The following PDK1 variants were observed in gnomAD, a reference collection of about 807,000 sequenced individuals.
PDK1 encodes the protein [Pyruvate dehydrogenase (acetyl-transferring)] kinase isozyme 1, mitochondrial.
Under a neutral mutation model 54.2 loss-of-function variants are expected in PDK1, and 39 were observed. The ratio of observed to expected loss-of-function variants is 0.72; its 90% CI spans 0.56 to 0.94. The LOEUF (loss-of-function observed/expected upper bound fraction) is 0.94, where lower values mean the gene tolerates loss of function less well. Among genes scored for constraint, PDK1 ranks in the 40% least tolerant of loss-of-function variants. PDK1 has a pLI of 0.00. For missense variants in PDK1, 552 were observed against 566.0 expected (o/e 0.98, Z 0.25); for synonymous variants, 221 against 207.1 (o/e 1.07, Z -0.58).
At chr2:172,687,954 G>C in the PDK1 span, among the ~76,000 whole-genome samples, 1 of 152,290 alleles carries the variant, frequency 6.6e-6, no homozygotes, top group Admixed American at 6.5e-5. Context: ...CCCCTGCACA[G>C]GGATCCCCTT....
the PDK1 span, among the ~76,000 whole-genome samples, chr2:172,661,591 T>A: frequency 6.6e-6 from 1 of 152,168 alleles, no homozygotes; most frequent in South Asian, 2.1e-4. Context: ...ATTGTGTAGA[T>A]TTAAGAAATG....
Position 172,595,890 on chromosome 2 carries a change from A to G in PDK1, c.1232A>G (p.Tyr411Cys). 6.2e-7 allele frequency: 1 copy of G among 1,613,914 alleles called. No homozygotes were observed. The highest frequency in any genetic ancestry group is 8.5e-7 in the Non-Finnish European group (1 of 1,179,806). Reference sequence around the variant, plus strand: ...TATAACAAAGCTGCCTGGAAGCATTACAACACCAACCACGAGGCTGATGAC... The same window carrying G: ...TATAACAAAGCTGCCTGGAAGCATTGCAACACCAACCACGAGGCTGATGAC... ...PVYNKAAWKH[Y>C]NTNHEADDWC... is the part of the protein sequence containing the mutation. The change falls in exon 11 of 11, where the codon TAC becomes TGC. Residue 411 changes from tyrosine (Y) to cysteine (C), a missense_variant. Transcript: ENST00000282077.
At chr2:172,657,799 C>T in the PDK1 span, among the ~76,000 whole-genome samples, 4 of 136,904 alleles carry the variant, frequency 2.9e-5, no homozygotes, top group Middle Eastern at 3.5e-3. Flanking sequence ...ACAGTCTTAG[C>T]GCATTCTGAG....
chr2:172,660,105 A>T, the PDK1 span, among the ~76,000 whole-genome samples: 1 of 152,058 alleles, frequency 6.6e-6, no homozygotes, highest in Admixed American at 6.6e-5. Context: ...AGAGCAAGAG[A>T]GGGACTGACC....
intron 2 of PDK1, 152 bp from the exon 3 acceptor site, chr2:172,562,068 A>G: frequency 2.0e-6 from 1 of 511,150 alleles, no homozygotes; most frequent in East Asian, 3.2e-5. Context: ...TTGAATGTGC[A>G]TGGGTGTAAA....
At chr2:172,718,039 A>T in the PDK1 span, among the ~76,000 whole-genome samples, 1 of 152,244 alleles carries the variant, frequency 6.6e-6, no homozygotes, top group Non-Finnish European at 1.5e-5. Context: ...GGGTAAATGA[A>T]ATCTGCTGAT....
chr2:172,566,560 A>G (rs1489901460), intron 5 of PDK1, among the ~76,000 whole-genome samples: 2 of 152,112 alleles, frequency 1.3e-5, no homozygotes, highest in African/African-American at 4.8e-5. Context: ...CTCAAAGGAA[A>G]AAAAAAAAGG....
At chr2:172,676,852 T>G in the PDK1 span, among the ~76,000 whole-genome samples, 41 of 152,150 alleles carry the variant, frequency 2.7e-4, 1 homozygote, top group Non-Finnish European at 4.9e-4. Context: ...TGTGGCAAAC[T>G]TCATTGTTGT....
the PDK1 span, among the ~76,000 whole-genome samples, chr2:172,615,081 C>T: frequency 2.0e-5 from 3 of 152,082 alleles, no homozygotes; most frequent in Admixed American, 6.5e-5. Context: ...GTGGAGTGGC[C>T]GCCTGGATCC....
At chr2:172,653,963 G>T in the PDK1 span, among the ~76,000 whole-genome samples, 1 of 152,228 alleles carries the variant, frequency 6.6e-6, no homozygotes, top group East Asian at 1.9e-4. Context: ...GTGGGCAAAG[G>T]ATATGAACAG....
chr2:172,607,917 T>C lies in PDK1; in HGVS notation c.*11948T>C, dbSNP rs1471620680. ...CATTTCCTGGGCAGTGATCTAGAAA[T>C]GATATTTTTAAAAGGAGCTGTGTTT... On this transcript the variant is annotated 3_prime_UTR_variant, in exon 11 of 11. Transcript: ENST00000282077. 6.6e-6 allele frequency: 1 copy of C among 152,198 alleles called. No homozygotes were observed. Among genetic ancestry groups the C allele is most frequent in the African/African-American group, 2.4e-5 (1 of 41,452 alleles). The allele number at this position is 152,198 out of a possible 1,614,324, so 9.4% of individuals were successfully genotyped here.
At chr2:172,644,317 A>G in the PDK1 span, among the ~76,000 whole-genome samples, 3 of 152,364 alleles carry the variant, frequency 2.0e-5, no homozygotes, top group Non-Finnish European at 2.9e-5. Context: ...CTATGATAAC[A>G]TAATAGTTAA....
At chr2:172,689,052 T>C in the PDK1 span, among the ~76,000 whole-genome samples, 1 of 152,202 alleles carries the variant, frequency 6.6e-6, no homozygotes, top group East Asian at 1.9e-4. Context: ...GGGACCCGAG[T>C]GTGTTGCCAC....
At chr2:172,615,515 C>T in the PDK1 span, among the ~76,000 whole-genome samples, 2 of 151,620 alleles carry the variant, frequency 1.3e-5, no homozygotes, top group Non-Finnish European at 2.9e-5. Flanking sequence ...TCCAGCCACT[C>T]GGGAGGCTGA....
At chr2:172,635,396 AC>A in the PDK1 span, among the ~76,000 whole-genome samples, 7 of 151,634 alleles carry the variant, frequency 4.6e-5, no homozygotes, top group Non-Finnish European at 1.0e-4. Context: ...GCTCAGTGTA[AC>A]CTCCCCCTCC....
intron 7 of PDK1, among the ~76,000 whole-genome samples, chr2:172,569,073 A>T (rs1317236086): frequency 6.6e-6 from 1 of 152,210 alleles, no homozygotes; most frequent in Non-Finnish European, 1.5e-5. Context: ...GACCTTGGGC[A>T]AGTCACTCAA....
chr2:172,614,206 G>GACA, the PDK1 span, among the ~76,000 whole-genome samples: 1 of 149,798 alleles, frequency 6.7e-6, no homozygotes, highest in African/African-American at 2.5e-5. Flanking sequence ...TGCAGGTTCA[G>GACA]GGGTACCTGT....
At chr2:172,715,436 A>G in the PDK1 span, among the ~76,000 whole-genome samples, 1 of 152,208 alleles carries the variant, frequency 6.6e-6, no homozygotes, top group Non-Finnish European at 1.5e-5. Context: ...CACAAATTCC[A>G]GTTTGAAGAC....
At chr2:172,677,101 A>C in the PDK1 span, 6 of 152,260 alleles carry the variant, frequency 3.9e-5, no homozygotes, top group Admixed American at 2.6e-4. Flanking sequence ...AAGTAAATAT[A>C]ACTTTTATAT....
Sources: gnomAD v4.1 joint callset for allele counts (sites outside exome capture counted in the v4.1 genomes callset) on GRCh38, gnomAD v4.1.1 for gene constraint, MANE v1.5 for transcripts, NCBI Gene and HGNC (gene_info 2026-07-23, HGNC 2026-07-21) for gene names.